TRAF3: variants seen among roughly 807,000 people sequenced by gnomAD.
TRAF3 encodes TNF receptor-associated factor 3.
A neutral mutation model predicts 62.3 loss-of-function variants in TRAF3; 13 were observed. The observed-to-expected ratio is 0.21, with a 90% CI of 0.14 to 0.33. TRAF3 has a LOEUF of 0.33. TRAF3 is among the 10% of genes least tolerant of loss of function. The probability of loss-of-function intolerance (pLI) is 1.00; values close to 1 mark genes in which losing one functional copy is unlikely to be tolerated. For missense variants in TRAF3, 440 were observed against 741.8 expected (o/e 0.59, Z 4.73); for synonymous variants, 269 against 283.4 (o/e 0.95, Z 0.51).
At position 102,846,638 on chromosome 14, in the gene TRAF3, T is replaced by TAAAA. The variant is rs752922791; in HGVS notation, c.-18+16191_-18+16194dup. Among the ~76,000 whole-genome samples the TAAAA allele has an allele frequency of 1.4e-3, 101 of 71,732 alleles. 1 individual carries two copies. Among genetic ancestry groups the TAAAA allele is most frequent in the African/African-American group, 5.0e-3 (80 of 15,920 alleles). The allele number at this position is 71,732 out of a possible 152,430, so 47.1% of individuals were successfully genotyped here. On this transcript the variant is annotated intron_variant, in intron 2 of 11. Transcript: ENST00000392745. ...GGCAACACAGGGAGATCCAGCTTCT[T>TAAAA]AAAAAAAAAAAAAAAAAAAAAAAAA...
intron 1 of TRAF3, among the ~76,000 whole-genome samples, chr14:102,829,657 C>T (rs1406610257): frequency 6.6e-6 from 1 of 152,164 alleles, no homozygotes; most frequent in Non-Finnish European, 1.5e-5. Context: ...TCCGGTAACA[C>T]TTGCTAGGGC....
intron 1 of TRAF3, among the ~76,000 whole-genome samples, chr14:102,812,763 C>CGAAAAATTAGCCGGGCACGGGGG (rs1899270806): frequency 6.7e-6 from 1 of 150,316 alleles, no homozygotes; most frequent in Non-Finnish European, 1.5e-5. Flanking sequence ...ACTAAAAATA[C>CGAAAAATTAGCCGGGCACGGGGG]GAAAAATTAG....
intron 1 of TRAF3, among the ~76,000 whole-genome samples, chr14:102,820,402 G>C (rs1899824617): frequency 6.6e-6 from 1 of 151,656 alleles, no homozygotes; most frequent in Non-Finnish European, 1.5e-5. Flanking sequence ...CACACACTCT[G>C]CCCTCTTAGC....
At chr14:102,901,275 C>T (rs1268215304) in intron 10 of TRAF3, among the ~76,000 whole-genome samples, 1 of 152,192 alleles carries the variant, frequency 6.6e-6, no homozygotes, top group Non-Finnish European at 1.5e-5. Flanking sequence ...CCCTCTTAAC[C>T]TCGGGGGCCT....
At chr14:102,863,868 T>G (rs1297828004) in intron 2 of TRAF3, among the ~76,000 whole-genome samples, 1 of 152,150 alleles carries the variant, frequency 6.6e-6, no homozygotes, top group African/African-American at 2.4e-5. Flanking sequence ...TTCCAGGGAC[T>G]CAGTAGACAG....
intron 6 of TRAF3, among the ~76,000 whole-genome samples, chr14:102,884,419 A>G (rs1221938020): frequency 6.6e-6 from 1 of 152,238 alleles, no homozygotes. Flanking sequence ...GGAGGACATT[A>G]TTGAACTCAC....
rs563626261 is a variant in TRAF3, at chr14:102,786,684, T to TAA, written c.-157+9018_-157+9019dup. Among the ~76,000 whole-genome samples the TAA allele has an allele frequency of 5.3e-3, 793 of 148,384 alleles. 6 individuals are homozygous for TAA. Among genetic ancestry groups the TAA allele is most frequent in the Admixed American group, 0.01 (150 of 14,894 alleles). ...CCTGGGCAACAAGAGTAAAACTGTC[T>TAA]AAAAAAAAAACGAGCCTGTGCCAGG... On this transcript the variant is annotated intron_variant, in intron 1 of 11. Transcript: ENST00000392745.
chr14:102,850,114 G>T (rs1886948449), intron 2 of TRAF3, among the ~76,000 whole-genome samples: 1 of 152,120 alleles, frequency 6.6e-6, no homozygotes, highest in African/African-American at 2.4e-5. Context: ...CATGGAACTG[G>T]GGAACATAAA....
intron 1 of TRAF3, among the ~76,000 whole-genome samples, chr14:102,803,906 A>T (rs536815941): frequency 1.4e-4 from 22 of 152,310 alleles, no homozygotes; most frequent in Non-Finnish European, 2.1e-4. Context: ...AAATTGACTT[A>T]AAAAAGTTGG....
chr14:102,823,466 A>C (rs896479178), intron 1 of TRAF3, among the ~76,000 whole-genome samples: 1 of 152,220 alleles, frequency 6.6e-6, no homozygotes, highest in Non-Finnish European at 1.5e-5. Flanking sequence ...ATTAAAATTA[A>C]GATCAACTTT....
At chr14:102,836,868 C>T (rs772352740) in intron 2 of TRAF3, among the ~76,000 whole-genome samples, 64 of 152,130 alleles carry the variant, frequency 4.2e-4, no homozygotes, top group Middle Eastern at 3.4e-3. Flanking sequence ...GTGAGTAAGA[C>T]GTCAGGGAAA....
chr14:102,789,592 A>G (rs1006615046), intron 1 of TRAF3, among the ~76,000 whole-genome samples: 1 of 106,598 alleles, frequency 9.4e-6, no homozygotes, highest in Non-Finnish European at 1.9e-5. Context: ...ACAAAAGGAT[A>G]TATGTGTGTG....
At chr14:102,897,538 A>T in intron 10 of TRAF3, 137 bp downstream of exon 10, 1 of 1,221,066 alleles carries the variant, frequency 8.2e-7, no homozygotes, top group Non-Finnish European at 1.2e-6. Context: ...CTCTGGCCTA[A>T]GTGAAGGCTT....
chr14:102,872,089 C>T, intron 4 of TRAF3, 121 bp downstream of exon 4: 1 of 1,001,068 alleles, frequency 1.0e-6, no homozygotes, highest in Non-Finnish European at 1.6e-6. Context: ...GCTGATGCGG[C>T]AGGCTCCCAG....
intron 8 of TRAF3, among the ~76,000 whole-genome samples, chr14:102,890,239 C>T (rs1889635806): frequency 6.6e-6 from 1 of 152,196 alleles, no homozygotes; most frequent in Non-Finnish European, 1.5e-5. Context: ...TATTTTTTAA[C>T]ACATCTGAGA....
At chr14:102,804,684 G>C (rs534983732) in intron 1 of TRAF3, among the ~76,000 whole-genome samples, 1 of 152,076 alleles carries the variant, frequency 6.6e-6, no homozygotes, top group African/African-American at 2.4e-5. Flanking sequence ...ACAGGGTTTT[G>C]CTATATCGCC....
chr14:102,825,599 T>C (rs897859248), intron 1 of TRAF3, among the ~76,000 whole-genome samples: 1 of 152,210 alleles, frequency 6.6e-6, no homozygotes, highest in African/African-American at 2.4e-5. Context: ...GAGAGCCCAC[T>C]CAGGCTACGC....
intron 2 of TRAF3, among the ~76,000 whole-genome samples, chr14:102,836,421 T>C (rs1392950392): frequency 6.6e-6 from 1 of 152,238 alleles, no homozygotes; most frequent in Non-Finnish European, 1.5e-5. Flanking sequence ...TTGGAGAAAC[T>C]AAGAAATTTG....
intron 1 of TRAF3, among the ~76,000 whole-genome samples, chr14:102,811,873 G>T (rs919916985): frequency 7.1e-6 from 1 of 141,088 alleles, no homozygotes; most frequent in Non-Finnish European, 1.5e-5. Flanking sequence ...TCAGCCTCCC[G>T]AGTAGCTAGG....
Sources: gnomAD v4.1 joint callset for allele counts (sites outside exome capture counted in the v4.1 genomes callset) on GRCh38, gnomAD v4.1.1 for gene constraint, MANE v1.5 for transcripts, NCBI Gene and HGNC (gene_info 2026-07-23, HGNC 2026-07-21) for gene names.